The following PARD3 variants were observed in gnomAD, a reference collection of about 807,000 sequenced individuals.
PARD3 encodes par-3 family cell polarity regulator.
PARD3 carries 75 observed loss-of-function variants against 155.4 expected under a neutral mutation model. The observed-to-expected ratio is 0.48, with a 90% CI of 0.40 to 0.58. PARD3 has a LOEUF of 0.58. PARD3 is among the 20% of genes least tolerant of loss of function. PARD3 has a pLI of 0.00. For missense variants in PARD3, 1,642 were observed against 1,721.7 expected (o/e 0.95, Z 0.82); for synonymous variants, 576 against 610.5 (o/e 0.94, Z 0.83).
chr10:34,698,058 G>T (rs1003986750), intron 1 of PARD3, among the ~76,000 whole-genome samples: 1 of 151,972 alleles, frequency 6.6e-6, no homozygotes, highest in Non-Finnish European at 1.5e-5. Context: ...GCCACATCCT[G>T]CCCACCTCTT....
At chr10:34,121,661 C>A (rs1947013431) in intron 23 of PARD3, among the ~76,000 whole-genome samples, 1 of 152,212 alleles carries the variant, frequency 6.6e-6, no homozygotes, top group African/African-American at 2.4e-5. Context: ...CCAGCACAAC[C>A]TTACTTGTTG....
At chr10:34,699,512 G>C (rs1361194500) in intron 1 of PARD3, among the ~76,000 whole-genome samples, 1 of 152,132 alleles carries the variant, frequency 6.6e-6, no homozygotes, top group Non-Finnish European at 1.5e-5. Context: ...CAGAGGACTT[G>C]CTTTATTTTC....
chr10:34,612,654 C>T (rs2090994037), intron 2 of PARD3, among the ~76,000 whole-genome samples: 1 of 152,162 alleles, frequency 6.6e-6, no homozygotes, highest in Non-Finnish European at 1.5e-5. Context: ...ACAATTCTTA[C>T]CCTAGAGGGC....
intron 1 of PARD3, among the ~76,000 whole-genome samples, chr10:34,752,879 G>C (rs552863586): frequency 5.3e-5 from 8 of 152,340 alleles, no homozygotes; most frequent in East Asian, 3.9e-4. Context: ...CTAAAGGCTA[G>C]TGTTTCAAGA....
At chr10:34,636,627 C>T (rs2092486556) in intron 2 of PARD3, among the ~76,000 whole-genome samples, 1 of 152,196 alleles carries the variant, frequency 6.6e-6, no homozygotes, top group Non-Finnish European at 1.5e-5. Context: ...GTGCTAGTTC[C>T]CGTCAAGCCT....
At chr10:34,787,929 C>T (rs1841180204) in intron 1 of PARD3, among the ~76,000 whole-genome samples, 1 of 151,768 alleles carries the variant, frequency 6.6e-6, no homozygotes, top group Non-Finnish European at 1.5e-5. Context: ...TGAAGGAACA[C>T]AACCACCATG....
chr10:34,693,959 C>T (rs556026023), intron 2 of PARD3, among the ~76,000 whole-genome samples: 1 of 152,228 alleles, frequency 6.6e-6, no homozygotes, highest in South Asian at 2.1e-4. Flanking sequence ...GACTGTGTTT[C>T]TATCTATCTG....
chr10:34,486,378 T>C (rs1256165546), intron 3 of PARD3, among the ~76,000 whole-genome samples: 1 of 152,158 alleles, frequency 6.6e-6, no homozygotes, highest in East Asian at 1.9e-4. Flanking sequence ...GTCTTAAAAT[T>C]TTATTTTTTG....
intron 1 of PARD3, among the ~76,000 whole-genome samples, chr10:34,730,947 A>C (rs1162791135): frequency 2.0e-5 from 3 of 152,166 alleles, no homozygotes; most frequent in East Asian, 3.8e-4. Context: ...AAACCAACCC[A>C]CAATTTGACC....
At chr10:34,625,903 C>T (rs2091958350) in intron 2 of PARD3, among the ~76,000 whole-genome samples, 1 of 152,202 alleles carries the variant, frequency 6.6e-6, no homozygotes, top group Non-Finnish European at 1.5e-5. Flanking sequence ...AAGAGCGAAA[C>T]TCCACCTCAA....
chr10:34,804,279 C>G (rs540878296), intron 1 of PARD3, among the ~76,000 whole-genome samples: 1 of 152,158 alleles, frequency 6.6e-6, no homozygotes, highest in African/African-American at 2.4e-5. Context: ...TCAAGTGATC[C>G]GCCCACCTTG....
intron 22 of PARD3, among the ~76,000 whole-genome samples, chr10:34,198,453 GGTGTGTGTGTGTGTGT>G (rs59976562): frequency 2.0e-5 from 3 of 146,924 alleles, no homozygotes; most frequent in African/African-American, 5.0e-5. Flanking sequence ...ATCACTAATT[GGTGTGTGTGTGTGTGT>G]GTGTGTGTGT....
intron 2 of PARD3, among the ~76,000 whole-genome samples, chr10:34,676,743 A>G (rs565428215): frequency 1.3e-5 from 2 of 152,320 alleles, no homozygotes; most frequent in South Asian, 4.1e-4. Context: ...ATTCTTAATG[A>G]CAATACAAGG....
At chr10:34,745,664 G>A (rs983873418) in intron 1 of PARD3, among the ~76,000 whole-genome samples, 1 of 152,110 alleles carries the variant, frequency 6.6e-6, no homozygotes, top group Non-Finnish European at 1.5e-5. Flanking sequence ...TTGTAGCTGG[G>A]CACAGTGGCT....
rs753625605 is a variant in PARD3 at position 34,470,152 on chromosome 10, C to T, written c.515G>A (p.Arg172His). 8.1e-6 allele frequency: 13 copies of T among 1,613,180 alleles called. No individual in the cohort carries two copies. The highest frequency in any genetic ancestry group is 4.5e-5 in the East Asian group (2 of 44,846). ...GAGGAAGCCAGCTGTTGTTGACCAG[C>T]GTGTGGGATTTTTCCTTGAAGGCTC... ...SEEPSRKNPT[R>H]WSTTAGFLKQ... The change falls in exon 4 of 25, where the codon CGC (arginine) becomes CAC (histidine). Residue 172 changes from arginine to histidine, a missense_variant. Coordinates refer to ENST00000374788, the MANE Select transcript of PARD3 (RefSeq NM_001184785.2).
At chr10:34,372,393 G>C in intron 12 of PARD3, 105 bp downstream of exon 12, 2 of 880,630 alleles carry the variant, frequency 2.3e-6, no homozygotes, top group Non-Finnish European at 3.8e-6. Context: ...TAAATATTAC[G>C]AGCCAGGAAA....
Position 34,188,734 on chromosome 10 carries a change from G to C in PARD3, c.3420-57151C>G, listed in dbSNP as rs140704682. On this transcript the variant is annotated intron_variant, in intron 22 of 24. Coordinates refer to ENST00000374788, the MANE Select transcript of PARD3 (RefSeq NM_001184785.2). ...TACATAATCATCCTATATTCATATG[G>C]CAACTTAAAATCGCTTTTTTTTTTT... Among the ~76,000 whole-genome samples the C allele has an allele frequency of 2.4e-3, 359 of 149,802 alleles. 4 individuals carry two copies. Among genetic ancestry groups the C allele is most frequent in the African/African-American group, 8.4e-3 (341 of 40,590 alleles).
chr10:34,238,957 T>C (rs1284573668), intron 22 of PARD3, among the ~76,000 whole-genome samples: 1 of 149,914 alleles, frequency 6.7e-6, no homozygotes, highest in Admixed American at 6.6e-5. Context: ...TATTTTAAAC[T>C]TTTTTTTCTT....
intron 3 of PARD3, among the ~76,000 whole-genome samples, chr10:34,516,308 C>G (rs1462068883): frequency 6.6e-6 from 1 of 152,136 alleles, no homozygotes; most frequent in African/African-American, 2.4e-5. Flanking sequence ...TTGATCTTCT[C>G]TTAACAACTG....
Sources: gnomAD v4.1 joint callset for allele counts (sites outside exome capture counted in the v4.1 genomes callset) on GRCh38, gnomAD v4.1.1 for gene constraint, MANE v1.5 for transcripts, NCBI Gene and HGNC (gene_info 2026-07-23, HGNC 2026-07-21) for gene names.